Variants in TCF12 observed in about 807,000 individuals in gnomAD.
TCF12 encodes DNA-binding protein HTF4.
In TCF12, 45 loss-of-function variants were observed where a neutral mutation model predicts 86.0. The observed-to-expected ratio is 0.52, with a 90% CI of 0.41 to 0.67. The LOEUF (loss-of-function observed/expected upper bound fraction) is 0.67, where lower values mean the gene tolerates loss of function less well. Ranked by LOEUF, TCF12 falls within the 30% of genes least tolerant of loss-of-function variation. TCF12 has a pLI of 0.00. For missense variants in TCF12, 881 were observed against 859.9 expected, an observed-to-expected ratio of 1.02 and a Z score of -0.31; for synonymous variants, 330 against 299.6, an observed-to-expected ratio of 1.10 and a Z score of -1.05.
At chr15:57,245,180 C>A (rs1370239836) in intron 13 of TCF12, among the ~76,000 whole-genome samples, 1 of 152,198 alleles carries the variant, frequency 6.6e-6, no homozygotes, top group South Asian at 2.1e-4. Context: ...ATCACCTATG[C>A]TTTGTGTATT....
chr15:56,969,804 T>C (rs1245069071), intron 3 of TCF12, among the ~76,000 whole-genome samples: 1 of 152,138 alleles, frequency 6.6e-6, no homozygotes, highest in African/African-American at 2.4e-5. Flanking sequence ...ATAATGCAAA[T>C]TTAATCTGTG....
chr15:57,045,206 C>T (rs1224029796), intron 3 of TCF12, among the ~76,000 whole-genome samples: 1 of 152,188 alleles, frequency 6.6e-6, no homozygotes, highest in South Asian at 2.1e-4. Context: ...TTTAAGTAGG[C>T]AGAACCTATG....
chr15:57,020,976 T>C (rs561039968), intron 3 of TCF12, among the ~76,000 whole-genome samples: 18 of 152,326 alleles, frequency 1.2e-4, no homozygotes, highest in Middle Eastern at 3.4e-3. Flanking sequence ...GTGAGACATA[T>C]CACCTTTTTT....
chr15:57,122,072 G>T (rs1596643014), intron 5 of TCF12, among the ~76,000 whole-genome samples: 3 of 142,838 alleles, frequency 2.1e-5, no homozygotes, highest in African/African-American at 2.6e-5. Flanking sequence ...CACTTTTCCT[G>T]CTTCTTATCT....
chr15:57,059,363 CTT>C (rs1166465416), intron 3 of TCF12, among the ~76,000 whole-genome samples: 1 of 152,168 alleles, frequency 6.6e-6, no homozygotes, highest in Non-Finnish European at 1.5e-5. Flanking sequence ...AATTGCTTTT[CTT>C]ACTGCTTTTG....
chr15:57,034,981 T>C (rs1378732546), intron 3 of TCF12, among the ~76,000 whole-genome samples: 3 of 152,204 alleles, frequency 2.0e-5, no homozygotes, highest in Admixed American at 6.5e-5. Flanking sequence ...GGAAATAATA[T>C]CAACATAAAA....
At chr15:57,247,184 C>T in intron 13 of TCF12, 1 of 595,158 alleles carries the variant, frequency 1.7e-6, no homozygotes, top group Non-Finnish European at 3.1e-6. Context: ...TGGTCCATCA[C>T]CATCATAGCC....
intron 3 of TCF12, among the ~76,000 whole-genome samples, chr15:56,960,107 G>A (rs556215415): frequency 1.3e-5 from 2 of 152,196 alleles, no homozygotes; most frequent in African/African-American, 2.4e-5. Context: ...AAATGCATTC[G>A]TCAAATAAGT....
chr15:57,047,412 G>A (rs1480534347), intron 3 of TCF12, among the ~76,000 whole-genome samples: 2 of 152,160 alleles, frequency 1.3e-5, no homozygotes, highest in Non-Finnish European at 1.5e-5. Context: ...CTTTGAGAAA[G>A]ATTGAACAAG....
At chr15:56,977,709 G>GT (rs1330604008) in intron 3 of TCF12, among the ~76,000 whole-genome samples, 2 of 152,150 alleles carry the variant, frequency 1.3e-5, no homozygotes, top group African/African-American at 4.8e-5. Flanking sequence ...AAAGGAAAAA[G>GT]TAATCTGTTT....
chr15:56,959,581 G>C (rs2061654049), intron 3 of TCF12, among the ~76,000 whole-genome samples: 1 of 152,194 alleles, frequency 6.6e-6, no homozygotes, highest in South Asian at 2.1e-4. Flanking sequence ...GTTTTTGTAG[G>C]AGAAACACCT....
chr15:57,180,181 C>G (rs1272128770), intron 6 of TCF12, among the ~76,000 whole-genome samples: 1 of 152,114 alleles, frequency 6.6e-6, no homozygotes, highest in Non-Finnish European at 1.5e-5. Context: ...TAACAGAAGA[C>G]TGACATATTA....
intron 3 of TCF12, among the ~76,000 whole-genome samples, chr15:57,012,809 C>G (rs1208884446): frequency 6.6e-6 from 1 of 152,174 alleles, no homozygotes. Flanking sequence ...GGTGGTTTGT[C>G]AGAATACTCT....
At chr15:57,057,587 T>C (rs1437265703) in intron 3 of TCF12, among the ~76,000 whole-genome samples, 1 of 152,194 alleles carries the variant, frequency 6.6e-6, no homozygotes, top group Admixed American at 6.5e-5. Flanking sequence ...CTAGGATTTA[T>C]AGTAACTATT....
In TCF12 at chr15:57,282,434, C is replaced by A; in HGVS notation, c.1979-11C>A. ...AACCATAGTGATAAAAATTCTTTCC[C>A]CCTGTTTTAGAGAGGAACCTTAACC... On this transcript the variant is annotated splice_polypyrimidine_tract_variant and intron_variant, in intron 19 of 20. Transcript: ENST00000333725. 1 of 1,614,038 alleles carries A rather than the reference C, an allele frequency of 6.2e-7. No individual in the cohort carries two copies. The highest frequency in any genetic ancestry group is 1.1e-5 in the South Asian group (1 of 91,058).
At chr15:57,263,527 C>T (rs2060688373) in intron 18 of TCF12, among the ~76,000 whole-genome samples, 2 of 152,116 alleles carry the variant, frequency 1.3e-5, no homozygotes, top group African/African-American at 4.8e-5. Context: ...AATTATATCT[C>T]TTCACTCAAG....
chr15:57,162,902 G>A (rs2054597566), intron 5 of TCF12, among the ~76,000 whole-genome samples: 1 of 152,014 alleles, frequency 6.6e-6, no homozygotes, highest in Admixed American at 6.6e-5. Context: ...GTGATGGAGT[G>A]TGGTGGCTCA....
At chr15:56,967,145 C>CA (rs35618060) in intron 3 of TCF12, among the ~76,000 whole-genome samples, 36 of 149,110 alleles carry the variant, frequency 2.4e-4, no homozygotes, top group East Asian at 1.8e-3. Flanking sequence ...CCTCCCCCAC[C>CA]AAAAAAAAAA....
intron 3 of TCF12, among the ~76,000 whole-genome samples, chr15:57,025,281 T>C (rs1233762349): frequency 6.6e-6 from 1 of 152,136 alleles, no homozygotes; most frequent in Non-Finnish European, 1.5e-5. Flanking sequence ...GGTTTCACCA[T>C]GTTGGCCACG....
Sources: allele counts gnomAD v4.1 joint callset (sites outside exome capture counted in the v4.1 genomes callset), GRCh38; gene constraint gnomAD v4.1.1; transcripts MANE v1.5; gene names NCBI Gene and HGNC (gene_info 2026-07-23, HGNC 2026-07-21).